Variants in SNX29 observed in about 807,000 individuals in gnomAD.
The protein encoded by SNX29 is sorting nexin-29.
SNX29 carries 78 observed loss-of-function variants against 102.1 expected under a neutral mutation model. The ratio of observed to expected loss-of-function variants is 0.76; its 90% CI spans 0.64 to 0.92. The LOEUF (loss-of-function observed/expected upper bound fraction) is 0.92. Among genes scored for constraint, SNX29 ranks in the 40% least tolerant of loss-of-function variants. SNX29 has a pLI of 0.00. For synonymous variants in SNX29, 580 were observed against 414.5 expected, an observed-to-expected ratio of 1.40 and a Z score of -4.85; for missense variants, 1,280 against 1,061.7, an observed-to-expected ratio of 1.21 and a Z score of -2.86.
rs532568774 is a variant in SNX29, at chr16:12,548,408, A to G, written c.2319-20098A>G. Among the ~76,000 whole-genome samples, 10 of 151,924 alleles carry G rather than the reference A, an allele frequency of 6.6e-5. No individual in the cohort carries two copies. The South Asian group carries it at 2.1e-3, about 32-fold the overall frequency. ...CCTTCTAAGGTCTCCTTTGTAACCTACCTCTGGCTCCCCACTGTGCCACAT... is the reference window on the plus strand; with the variant it reads ...CCTTCTAAGGTCTCCTTTGTAACCTGCCTCTGGCTCCCCACTGTGCCACAT... On this transcript the variant is annotated intron_variant, in intron 20 of 20. Transcript: ENST00000566228.
At chr16:12,057,826 A>C (rs4780408) in intron 8 of SNX29, among the ~76,000 whole-genome samples, 1 of 146,570 alleles carries the variant, frequency 6.8e-6, no homozygotes, top group Non-Finnish European at 1.5e-5. Context: ...TTATATATAT[A>C]TTTTTTTTTG....
At chr16:12,242,564 C>CTCTTTTCTTCTTCTTTGCTTCT (rs2078139329) in intron 14 of SNX29, among the ~76,000 whole-genome samples, 1 of 145,396 alleles carries the variant, frequency 6.9e-6, no homozygotes, top group African/African-American at 2.6e-5. Flanking sequence ...ATTTGGCCGG[C>CTCTTTTCTTCTTCTTTGCTTCT]TCTTTTCTTC....
chr16:12,479,526 C>A (rs981534606), intron 19 of SNX29, among the ~76,000 whole-genome samples: 1 of 152,200 alleles, frequency 6.6e-6, no homozygotes, highest in African/African-American at 2.4e-5. Flanking sequence ...ATACATTTGT[C>A]CTTCATTTTT....
chr16:12,540,787 G>C (rs757437779), intron 20 of SNX29, among the ~76,000 whole-genome samples: 1 of 152,212 alleles, frequency 6.6e-6, no homozygotes, highest in Non-Finnish European at 1.5e-5. Flanking sequence ...TCAGGTGCTT[G>C]AGGACTGCTC....
At chr16:12,156,898 A>G (rs975253712) in intron 13 of SNX29, among the ~76,000 whole-genome samples, 1 of 151,894 alleles carries the variant, frequency 6.6e-6, no homozygotes, top group African/African-American at 2.4e-5. Context: ...ACCAGGGGGC[A>G]TTTTCACTTC....
intron 18 of SNX29, among the ~76,000 whole-genome samples, chr16:12,468,731 G>T (rs926601763): frequency 6.6e-6 from 1 of 152,228 alleles, no homozygotes; most frequent in Non-Finnish European, 1.5e-5. Flanking sequence ...AGGCCACCTG[G>T]TGGTGACTGA....
chr16:12,448,743 A>C (rs1372246589), intron 18 of SNX29, among the ~76,000 whole-genome samples: 1 of 152,134 alleles, frequency 6.6e-6, no homozygotes, highest in Non-Finnish European at 1.5e-5. Flanking sequence ...CTTTCCCTGA[A>C]GTGTCTGGCT....
chr16:12,114,370 G>A (rs924902429), intron 11 of SNX29, among the ~76,000 whole-genome samples: 7 of 152,188 alleles, frequency 4.6e-5, no homozygotes, highest in Admixed American at 3.3e-4. Context: ...CTGTGGCCAT[G>A]CTGGCTTTGC....
At chr16:11,984,178 C>G (rs554983226) in intron 1 of SNX29, among the ~76,000 whole-genome samples, 2 of 151,910 alleles carry the variant, frequency 1.3e-5, no homozygotes, top group African/African-American at 4.8e-5. Context: ...CATAGTGGGA[C>G]CCGTCTGCCG....
chr16:12,331,933 G>T (rs147387358), intron 15 of SNX29, among the ~76,000 whole-genome samples: 2 of 152,130 alleles, frequency 1.3e-5, no homozygotes, highest in African/African-American at 4.8e-5. Flanking sequence ...GGTGGCGCAC[G>T]CCTGTAGTCC....
chr16:12,574,201 CTG>C lies in SNX29; in HGVS notation c.*5575_*5576del, dbSNP rs1435272864. ...TATTAAAATTTTCTTTTGGAATAAG[CTG>C]TGGAAATTTTGTTACAACCTGGTTG... On this transcript the variant is annotated 3_prime_UTR_variant, in exon 21 of 21. Transcript: ENST00000566228. The C allele has an allele frequency of 1.1e-5, 2 of 178,248 alleles. No individual in the cohort carries two copies. The highest frequency in any genetic ancestry group is 4.7e-5 in the African/African-American group (2 of 42,270). 11.0% of individuals were successfully genotyped at this position (178,248 alleles called of 1,614,324 possible).
At position 12,563,920 on chromosome 16, in the gene SNX29, T is replaced by C. The variant is rs117532065; in HGVS notation, c.2319-4586T>C. On this transcript the variant is annotated intron_variant, in intron 20 of 20. Coordinates refer to ENST00000566228, the MANE Select transcript of SNX29 (RefSeq NM_032167.5). ...TCTCTGGAGCAGGCAGCCGAAGACC[T>C]ACAATACCTAGACGCTGATCTTGTT... is the stretch of plus-strand genomic sequence containing the variant. Among the ~76,000 whole-genome samples the C allele has an allele frequency of 1.0e-3, 154 of 152,326 alleles. 1 individual carries two copies. The East Asian group carries it at 0.028, about 28-fold the overall frequency.
intron 13 of SNX29, among the ~76,000 whole-genome samples, chr16:12,154,951 G>A (rs566039982): frequency 1.3e-5 from 2 of 152,330 alleles, no homozygotes; most frequent in South Asian, 4.1e-4. Flanking sequence ...TTCAGCATAT[G>A]AATTTGGCAG....
intron 19 of SNX29, among the ~76,000 whole-genome samples, chr16:12,483,384 C>G (rs2088067190): frequency 6.7e-6 from 1 of 148,834 alleles, no homozygotes; most frequent in Non-Finnish European, 1.5e-5. Flanking sequence ...GTGGTGTGAT[C>G]TCAGCTCACT....
rs193245181 is a variant in SNX29, at chr16:11,994,759, G to A, written c.8-4538G>A. On this transcript the variant is annotated intron_variant, in intron 1 of 20. Transcript: ENST00000566228. ...CTGGCAGATTCTTCTGGGCCCTGGC[G>A]GAGGTGCTGTACTCTCCACTGGATT... 1.1e-4 allele frequency among the ~76,000 whole-genome samples: 17 copies of A among 152,272 alleles called. No homozygotes were observed. The East Asian group carries it at 3.3e-3, about 29-fold the overall frequency.
At chr16:12,288,773 A>T (rs1385068000) in intron 15 of SNX29, among the ~76,000 whole-genome samples, 1 of 151,952 alleles carries the variant, frequency 6.6e-6, no homozygotes, top group Non-Finnish European at 1.5e-5. Flanking sequence ...ATTGCATTAC[A>T]TGGACTGTTT....
chr16:12,423,258 A>G (rs912726638), intron 18 of SNX29, among the ~76,000 whole-genome samples: 3 of 152,190 alleles, frequency 2.0e-5, no homozygotes, highest in Admixed American at 2.0e-4. Flanking sequence ...GCCCTGGGAA[A>G]ACATTCATCA....
rs139497765 is a variant in SNX29, at chr16:12,539,682, C to T, written c.2318+14841C>T. Among the ~76,000 whole-genome samples, 626 of 152,300 alleles carry T rather than the reference C, an allele frequency of 4.1e-3. 5 individuals are homozygous for T. Among genetic ancestry groups the T allele is most frequent in the African/African-American group, 0.014 (602 of 41,560 alleles). On this transcript the variant is annotated intron_variant, in intron 20 of 20. Coordinates refer to ENST00000566228, the MANE Select transcript of SNX29 (RefSeq NM_032167.5). ...GTATGAGGGGCCCAGTTGCTCTGCA[C>T]CCTGGGCAGCATGTCATACTGTCAT...
chr16:12,569,546 CTT>C lies in SNX29; in HGVS notation c.*918_*919del. 1 of 231,534 alleles carries C rather than the reference CTT, an allele frequency of 4.3e-6. No homozygotes were observed. The highest frequency in any genetic ancestry group is 6.1e-5 in the East Asian group (1 of 16,332). The allele number at this position is 231,534 out of a possible 1,614,324, so 14.3% of individuals were successfully genotyped here. On this transcript the variant is annotated 3_prime_UTR_variant, in exon 21 of 21. Transcript: ENST00000566228. ...TATGAAGTTGGACCCAGTGTGGACACTTAACAGATCATGTGTCTCTCCACTAA... is the reference window on the plus strand; with the variant it reads ...TATGAAGTTGGACCCAGTGTGGACACAACAGATCATGTGTCTCTCCACTAA...
Sources: gnomAD v4.1 joint callset for allele counts (sites outside exome capture counted in the v4.1 genomes callset) on GRCh38, gnomAD v4.1.1 for gene constraint, MANE v1.5 for transcripts, NCBI Gene and HGNC (gene_info 2026-07-23, HGNC 2026-07-21) for gene names.